The following CCDC9 variants were observed in gnomAD, a reference collection of about 807,000 sequenced individuals.
CCDC9 encodes the protein coiled-coil domain-containing protein 9.
In CCDC9, 52 loss-of-function variants were observed where a neutral mutation model predicts 65.6. The observed-to-expected ratio is 0.79, with a 90% confidence interval of 0.63 to 1.00. CCDC9 has a LOEUF of 1.00. Ranked by LOEUF, CCDC9 falls within the 50% of genes least tolerant of loss-of-function variation. CCDC9 has a pLI of 0.00. For missense variants in CCDC9, 834 were observed against 757.2 expected, an observed-to-expected ratio of 1.10 and a Z score of -1.19; for synonymous variants, 332 against 280.3, an observed-to-expected ratio of 1.18 and a Z score of -1.84.
intron 2 of CCDC9, 70 bp downstream of exon 2, chr19:47,258,473 A>G: frequency 6.2e-7 from 1 of 1,607,716 alleles, no homozygotes. Flanking sequence ...TGGGATCCAT[A>G]GGGGCAGACT....
At chr19:47,256,800 G>C (rs1214598075) in intron 1 of CCDC9, among the ~76,000 whole-genome samples, 191 bp downstream of exon 1, 2 of 151,100 alleles carry the variant, frequency 1.3e-5, no homozygotes, top group African/African-American at 2.4e-5. Flanking sequence ...GTCGGGGCGG[G>C]GCGTGGCCAG....
chr19:47,274,615 G>C (rs75900606), downstream of CCDC9: 1 of 194,868 alleles, frequency 5.1e-6, no homozygotes. Flanking sequence ...TGAAGTCCGA[G>C]TCTGGGAAGA....
At position 47,258,577 on chromosome 19, in the gene CCDC9, A is replaced by G. The variant is rs1600275267; in HGVS notation, c.22A>G (p.Lys8Glu). Residue 8 changes from lysine to glutamate, a missense_variant, in exon 3 of 12, where the codon AAA becomes GAA. By Grantham distance (56) the Lys-to-Glu change is moderately conservative. Transcript: ENST00000221922. Reference protein sequence around the residue: MAATLDLKSKEEKDAELD... With the variant: MAATLDLESKEEKDAELD... The stretch of plus-strand genomic sequence containing the variant: ...GTCTCAGGCAGCCACACTCGATTTG[A>G]AATCAAAGGAGGAGAAGGATGCTGA... The G allele has an allele frequency of 6.2e-6, 10 of 1,614,078 alleles. No individual in the cohort carries two copies. Among genetic ancestry groups the G allele is most frequent in the Non-Finnish European group, 7.6e-6 (9 of 1,179,964 alleles).
At chr19:47,258,453 C>T (rs1298700491) in intron 2 of CCDC9, 50 bp downstream of exon 2, 2 of 1,612,662 alleles carry the variant, frequency 1.2e-6, no homozygotes, top group East Asian at 2.2e-5. Flanking sequence ...GGGAAGGGGG[C>T]TTGGGAGGAT....
At chr19:47,273,192 C>CG (rs1555803646), downstream of CCDC9, among the ~76,000 whole-genome samples, 1 of 151,934 alleles carries the variant, frequency 6.6e-6, no homozygotes, top group Non-Finnish European at 1.5e-5. Flanking sequence ...TGCGTGGGTC[C>CG]GCTGAGAGGA....
In CCDC9 at chr19:47,271,180, C is replaced by T. The variant is rs140781923; in HGVS notation, c.1184C>T (p.Pro395Leu). The change falls in exon 11 of 12, where the codon CCC becomes CTC. Residue 395 changes from proline to leucine, a missense_variant. Transcript: ENST00000221922. ...CCCGAGACTTCCCCCAAGGAGACACCCATGCAGGTGAGGCTGGGCTGTGGT... is the reference window on the plus strand; with the variant it reads ...CCCGAGACTTCCCCCAAGGAGACACTCATGCAGGTGAGGCTGGGCTGTGGT... The part of the protein sequence containing the change: ...TSPETSPKET[P>L]MQPPEIPAPA... 1.2e-6 allele frequency: 2 copies of T among 1,602,028 alleles called. No individual in the cohort carries two copies. The highest frequency in any genetic ancestry group is 2.2e-5 in the East Asian group (1 of 44,568).
At chr19:47,263,400 T>C (rs1422850745) in intron 5 of CCDC9, among the ~76,000 whole-genome samples, 1 of 152,138 alleles carries the variant, frequency 6.6e-6, no homozygotes, top group Non-Finnish European at 1.5e-5. Context: ...GGCATGAACT[T>C]CCAAGAGTCC....
intron 9 of CCDC9, 38 bp from the exon 10 acceptor site, chr19:47,270,515 C>A: frequency 6.2e-7 from 1 of 1,614,160 alleles, no homozygotes; most frequent in Non-Finnish European, 8.5e-7. Context: ...GTGTGTGCCA[C>A]ACCTTCCCTT....
chr19:47,260,657 C>A lies in CCDC9; in HGVS notation c.280C>A (p.Arg94=), dbSNP rs200154609. Residue 94 remains arginine, a synonymous_variant, in exon 5 of 12, where the codon CGG becomes AGG. Transcript: ENST00000221922. ...GCCCCCAGGGGCCAGCAAGGGGGGCCGGACTCCTCCACAGCAGGGAGGCCG... is the reference window on the plus strand; with the variant it reads ...GCCCCCAGGGGCCAGCAAGGGGGGCAGGACTCCTCCACAGCAGGGAGGCCG... ...PRPPGASKGG[R]TPPQQGGRAG... 2 of 1,528,738 alleles carry A rather than the reference C, an allele frequency of 1.3e-6. No individual in the cohort carries two copies. The highest frequency in any genetic ancestry group is 1.4e-5 in the African/African-American group (1 of 72,260). 94.7% of individuals were successfully genotyped at this position (1,528,738 alleles called of 1,614,324 possible). A position where few individuals can be genotyped will look rare whatever the true frequency, so the allele number is the denominator to read the frequency against.
At chr19:47,266,526 TC>T in intron 7 of CCDC9, 84 bp from the exon 8 acceptor site, 1 of 1,440,596 alleles carries the variant, frequency 6.9e-7, no homozygotes, top group Non-Finnish European at 9.1e-7. Flanking sequence ...CCCTGTGTGA[TC>T]CTGAGCAAGT....
intron 8 of CCDC9, among the ~76,000 whole-genome samples, chr19:47,269,482 C>T (rs964213149): frequency 6.6e-6 from 1 of 152,172 alleles, no homozygotes; most frequent in South Asian, 2.1e-4. Context: ...TCCCGAGTAG[C>T]TGAGATTACA....
At chr19:47,274,672 A>T (rs1300716580), downstream of CCDC9, 127 of 186,426 alleles carry the variant, frequency 6.8e-4, no homozygotes, top group African/African-American at 5.1e-3. Context: ...TGGTGGGGCT[A>T]AGCGCGGGGG....
Position 47,271,866 on chromosome 19 carries a change from C to G in CCDC9, c.*188C>G. The G allele has an allele frequency of 1.5e-6, 2 of 1,371,210 alleles. No homozygotes were observed. Among genetic ancestry groups the G allele is most frequent in the Non-Finnish European group, 9.4e-7 (1 of 1,065,116 alleles). 84.9% of individuals were successfully genotyped at this position (1,371,210 alleles called of 1,614,324 possible). On this transcript the variant is annotated 3_prime_UTR_variant, in exon 12 of 12. Coordinates refer to ENST00000221922, the MANE Select transcript of CCDC9 (RefSeq NM_015603.3). ...GTAGCGCAGCCCATGCTCTTCTGTA[C>G]TGTCATGCCCGTCTCTGGAATGTCC...
intron 3 of CCDC9, 46 bp from the exon 4 acceptor site, chr19:47,260,275 C>A: frequency 7.1e-7 from 1 of 1,399,536 alleles, no homozygotes; most frequent in Non-Finnish European, 9.9e-7. Flanking sequence ...GTCCGTCTGG[C>A]AGACAGGGCA....
chr19:47,260,604 C>A lies in CCDC9; in HGVS notation c.227C>A (p.Pro76His), dbSNP rs1264081590. 6 of 1,528,308 alleles carry A rather than the reference C, an allele frequency of 3.9e-6. No individual in the cohort carries two copies. The highest frequency in any genetic ancestry group is 5.2e-6 in the Non-Finnish European group (6 of 1,146,610). 94.7% of individuals were successfully genotyped at this position (1,528,308 alleles called of 1,614,324 possible). Residue 76 changes from proline to histidine, a missense_variant, in exon 5 of 12, where the codon CCT (proline) becomes CAT (histidine). By Grantham distance (77) the Pro-to-His change is moderately conservative (BLOSUM62 -2). Transcript: ENST00000221922. ...CTCTTCCAGGAGAAGAACCTGGGTC[C>A]TTCCCGGAGGTCTCCTGGGACCCCT... ...VAVESEKNLG[P>H]SRRSPGTPRP... is the part of the protein sequence containing the mutation.
At position 47,264,903 on chromosome 19, in the gene CCDC9, C is replaced by T. The variant is rs747030757; in HGVS notation, c.677C>T (p.Pro226Leu). 58 of 1,467,786 alleles carry T rather than the reference C, an allele frequency of 4.0e-5. No homozygotes were observed. The highest frequency in any genetic ancestry group is 2.1e-4 in the Middle Eastern group (1 of 4,868). The allele number at this position is 1,467,786 out of a possible 1,614,324, so 90.9% of individuals were successfully genotyped here. A position where few individuals can be genotyped will look rare whatever the true frequency, so the allele number is the denominator to read the frequency against. Residue 226 changes from proline (P) to leucine (L), a missense_variant, in exon 7 of 12, where the codon CCC (proline) becomes CTC (leucine). Coordinates refer to ENST00000221922, the MANE Select transcript of CCDC9 (RefSeq NM_015603.3). ...SRRHGRNWGGPDFERVRCGLE... is the reference protein window; with the variant it reads ...SRRHGRNWGGLDFERVRCGLE... ...CGGCACGGCCGCAACTGGGGGGGCC[C>T]CGACTTCGAGCGGGTGCGCTGTGGC...
chr19:47,270,470 G>C lies in CCDC9; in HGVS notation c.949+17G>C. The C allele has an allele frequency of 6.2e-7, 1 of 1,614,208 alleles. No homozygotes were observed. The highest frequency in any genetic ancestry group is 8.5e-7 in the Non-Finnish European group (1 of 1,180,036). ...ACCGCTATGGTGAGTGGGTGCCCTT[G>C]GATGAGCTGAGGCTCGGTCTGGGAG... On this transcript the variant is annotated intron_variant, in intron 9 of 11. Coordinates refer to ENST00000221922, the MANE Select transcript of CCDC9 (RefSeq NM_015603.3).
chr19:47,271,735 GCGCGCGCGC>G lies in CCDC9; in HGVS notation c.*58_*66del, dbSNP rs2059124365. 28 of 211,458 alleles carry G rather than the reference GCGCGCGCGC, an allele frequency of 1.3e-4. No individual in the cohort carries two copies. The South Asian group carries it at 5.4e-3, about 41-fold the overall frequency. 13.1% of individuals were successfully genotyped at this position (211,458 alleles called of 1,614,324 possible). A position where few individuals can be genotyped will look rare whatever the true frequency, so the allele number is the denominator to read the frequency against. Reference sequence around the variant, plus strand: ...TGTGTGTGTGTGTGTGTGTGTGTGCGCGCGCGCGCGCGCGCGCGCGCGCGCTAGAGGGGT... The same window carrying G: ...TGTGTGTGTGTGTGTGTGTGTGTGCGGCGCGCGCGCGCGCGCTAGAGGGGT... On this transcript the variant is annotated 3_prime_UTR_variant, in exon 12 of 12. Coordinates refer to ENST00000221922, the MANE Select transcript of CCDC9 (RefSeq NM_015603.3).
downstream of CCDC9, chr19:47,273,957 C>T (rs570691600): frequency 7.1e-6 from 7 of 984,344 alleles, no homozygotes; most frequent in Non-Finnish European, 8.4e-6. Context: ...TCCCTCCCCC[C>T]TCCCGCAGGC....
Sources: allele counts gnomAD v4.1 joint callset (sites outside exome capture counted in the v4.1 genomes callset), GRCh38; gene constraint gnomAD v4.1.1; transcripts MANE v1.5; gene names NCBI Gene and HGNC (gene_info 2026-07-23, HGNC 2026-07-21).